The following DAB1 variants were observed in gnomAD, a reference collection of about 807,000 sequenced individuals.
DAB1 encodes the protein disabled homolog 1.
A neutral mutation model predicts 64.6 loss-of-function variants in DAB1; 15 were observed. The ratio of observed to expected loss-of-function variants is 0.23; its 90% CI spans 0.16 to 0.36. The LOEUF (loss-of-function observed/expected upper bound fraction) is 0.36, where lower values mean the gene tolerates loss of function less well. Among genes scored for constraint, DAB1 ranks in the 10% least tolerant of loss-of-function variants. The pLI is 1.00. For synonymous variants in DAB1, 235 were observed against 251.9 expected, an observed-to-expected ratio of 0.93 and a Z score of 0.64; for missense variants, 596 against 706.7, an observed-to-expected ratio of 0.84 and a Z score of 1.78.
intron 6 of DAB1, among the ~76,000 whole-genome samples, chr1:57,731,791 T>C: frequency 7.0e-6 from 1 of 142,086 alleles, no homozygotes; most frequent in Admixed American, 7.4e-5. Flanking sequence ...GGTGACAGAG[T>C]GAGATGCTGT....
intron 7 of DAB1, among the ~76,000 whole-genome samples, chr1:57,584,329 T>C (rs1289037563): frequency 1.3e-5 from 2 of 152,242 alleles, no homozygotes; most frequent in East Asian, 1.9e-4. Context: ...AATTGTTCAT[T>C]GCTCAATTAA....
At chr1:58,148,176 A>C (rs1448254805) in intron 5 of DAB1, among the ~76,000 whole-genome samples, 1 of 151,754 alleles carries the variant, frequency 6.6e-6, no homozygotes, top group Non-Finnish European at 1.5e-5. Flanking sequence ...ACCATCTGCA[A>C]CCCCCTCACC....
chr1:58,430,449 AG>A (rs1644859796), intron 3 of DAB1, among the ~76,000 whole-genome samples: 1 of 152,182 alleles, frequency 6.6e-6, no homozygotes, highest in Non-Finnish European at 1.5e-5. Context: ...AGATCATATC[AG>A]GTTAAAAAAG....
chr1:58,353,602 C>A (rs1417291978), intron 3 of DAB1, among the ~76,000 whole-genome samples: 1 of 152,072 alleles, frequency 6.6e-6, no homozygotes, highest in African/African-American at 2.4e-5. Context: ...GTAGAAAATA[C>A]CACAAAACAC....
At chr1:57,092,555 T>C (rs1488576006) in intron 4 of DAB1, among the ~76,000 whole-genome samples, 3 of 151,852 alleles carry the variant, frequency 2.0e-5, no homozygotes. Flanking sequence ...ACCACAATTT[T>C]AAGTTTCCTG....
At chr1:58,339,414 A>C (rs886659877) in intron 4 of DAB1, among the ~76,000 whole-genome samples, 3 of 152,222 alleles carry the variant, frequency 2.0e-5, no homozygotes, top group Middle Eastern at 3.2e-3. Context: ...GAAATGGAAG[A>C]AGCAACCAAA....
chr1:57,313,002 C>T (rs1674860909), intron 1 of DAB1, among the ~76,000 whole-genome samples: 1 of 152,082 alleles, frequency 6.6e-6, no homozygotes, highest in Non-Finnish European at 1.5e-5. Context: ...AACACTTGCT[C>T]AGGAATCCTG....
chr1:58,488,126 T>C (rs560316553), intron 3 of DAB1, among the ~76,000 whole-genome samples: 1 of 152,190 alleles, frequency 6.6e-6, no homozygotes, highest in Non-Finnish European at 1.5e-5. Flanking sequence ...AATACAGATT[T>C]AGTAAAAACT....
At chr1:58,295,375 A>C (rs79625403) in intron 4 of DAB1, among the ~76,000 whole-genome samples, 2,749 of 152,242 alleles carry the variant, frequency 0.018, 82 homozygotes, top group African/African-American at 0.063. Context: ...AGCCATAGCA[A>C]AATTTATTTC....
chr1:57,909,984 A>G (rs1644616268), intron 5 of DAB1, among the ~76,000 whole-genome samples: 1 of 152,202 alleles, frequency 6.6e-6, no homozygotes, highest in Non-Finnish European at 1.5e-5. Context: ...TATTTTTTCC[A>G]GATGAGTGAA....
intron 7 of DAB1, among the ~76,000 whole-genome samples, chr1:57,470,588 C>T (rs749715164): frequency 7.2e-5 from 11 of 152,204 alleles, no homozygotes; most frequent in Admixed American, 3.9e-4. Flanking sequence ...CCAAAAAGTC[C>T]GTATAAACCA....
chr1:57,473,735 G>A (rs772977637), intron 7 of DAB1, among the ~76,000 whole-genome samples: 1 of 152,098 alleles, frequency 6.6e-6, no homozygotes, highest in Non-Finnish European at 1.5e-5. Flanking sequence ...ATCACCTCTT[G>A]CCATCTATGC....
At chr1:58,393,178 G>A (rs1398210960) in intron 3 of DAB1, among the ~76,000 whole-genome samples, 1 of 145,790 alleles carries the variant, frequency 6.9e-6, no homozygotes, top group African/African-American at 2.6e-5. Context: ...GTCCAGGCTG[G>A]CCTCAAACTC....
chr1:57,378,865 AT>A (rs1681125741), intron 1 of DAB1, among the ~76,000 whole-genome samples: 1 of 152,172 alleles, frequency 6.6e-6, no homozygotes. Flanking sequence ...AATATTGAGG[AT>A]GTCACTGCTT....
intron 2 of DAB1, among the ~76,000 whole-genome samples, chr1:57,154,222 T>C (rs1307410005): frequency 6.6e-6 from 1 of 152,182 alleles, no homozygotes; most frequent in African/African-American, 2.4e-5. Context: ...AACCATCCTT[T>C]TACTCTCCAG....
chr1:57,268,405 A>G (rs545158486), intron 2 of DAB1, among the ~76,000 whole-genome samples: 2 of 152,378 alleles, frequency 1.3e-5, no homozygotes, highest in East Asian at 3.9e-4. Flanking sequence ...GGAAATATTG[A>G]TATAATGTCA....
intron 7 of DAB1, among the ~76,000 whole-genome samples, chr1:57,626,340 T>A (rs1645923216): frequency 6.6e-6 from 1 of 152,214 alleles, no homozygotes; most frequent in African/African-American, 2.4e-5. Context: ...GGTCACAAGC[T>A]ATGGTGGCCT....
intron 2 of DAB1, among the ~76,000 whole-genome samples, chr1:57,188,344 G>A (rs1432508609): frequency 6.6e-6 from 1 of 152,096 alleles, no homozygotes; most frequent in African/African-American, 2.4e-5. Flanking sequence ...GAGTCATCAT[G>A]ACATGTGATA....
At chr1:58,492,751 A>G (rs338256) in intron 3 of DAB1, among the ~76,000 whole-genome samples, 1 of 152,078 alleles carries the variant, frequency 6.6e-6, no homozygotes, top group African/African-American at 2.4e-5. Context: ...CAATAACAGG[A>G]TCTGAAATTG....
Sources: allele counts gnomAD v4.1 joint callset (sites outside exome capture counted in the v4.1 genomes callset), GRCh38; gene constraint gnomAD v4.1.1; transcripts MANE v1.5; gene names NCBI Gene and HGNC (gene_info 2026-07-23, HGNC 2026-07-21).